The following SLC9A2 variants were observed in gnomAD, a reference collection of about 807,000 sequenced individuals.
SLC9A2 encodes sodium/hydrogen exchanger 2.
In SLC9A2, 42 loss-of-function variants were observed where a neutral mutation model predicts 71.7. The ratio of observed to expected loss-of-function variants is 0.59; its 90% CI spans 0.46 to 0.76. The LOEUF (loss-of-function observed/expected upper bound fraction) is 0.76. Among genes scored for constraint, SLC9A2 ranks in the 30% least tolerant of loss-of-function variants. The pLI is 0.00. For synonymous variants in SLC9A2, 396 were observed against 392.5 expected, an observed-to-expected ratio of 1.01 and a Z score of -0.10; for missense variants, 829 against 1,017.4, an observed-to-expected ratio of 0.81 and a Z score of 2.52.
rs1293858545 is a variant in SLC9A2, at chr2:102,683,455, T to C, written c.1199T>C (p.Phe400Ser). 2 of 1,614,200 alleles carry C rather than the reference T, an allele frequency of 1.2e-6. No individual in the cohort carries two copies. The highest frequency in any genetic ancestry group is 1.7e-6 in the Non-Finnish European group (2 of 1,180,018). Reference protein sequence around the residue: ...NWAFVCFTLAFCLMWRALGVF... With the variant: ...NWAFVCFTLASCLMWRALGVF... ...GCCTTCGTCTGCTTCACCCTGGCCT[T>C]CTGCCTCATGTGGCGAGCCCTGGGT... is the stretch of plus-strand genomic sequence containing the variant. Residue 400 changes from phenylalanine to serine, a missense_variant, in exon 4 of 12, where the codon TTC becomes TCC. Transcript: ENST00000233969.
At chr2:102,622,477 C>A (rs527334085) in intron 1 of SLC9A2, among the ~76,000 whole-genome samples, 5 of 152,270 alleles carry the variant, frequency 3.3e-5, no homozygotes, top group Admixed American at 6.5e-5. Flanking sequence ...ATAATAACAG[C>A]CTCTAGGAGG....
At chr2:102,633,024 G>T (rs1290791252) in intron 1 of SLC9A2, among the ~76,000 whole-genome samples, 1 of 152,132 alleles carries the variant, frequency 6.6e-6, no homozygotes, top group African/African-American at 2.4e-5. Flanking sequence ...GCATTTTCTT[G>T]TAGCACAGAA....
chr2:102,665,228 T>C lies in SLC9A2; in HGVS notation c.882T>C (p.Phe294=), dbSNP rs1451515543. 1 of 1,614,162 alleles carries C rather than the reference T, an allele frequency of 6.2e-7. No individual in the cohort carries two copies. The highest frequency in any genetic ancestry group is 1.7e-5 in the Admixed American group (1 of 60,030). The change falls in exon 3 of 12, where the codon TTT becomes TTC. Residue 294 remains phenylalanine, a synonymous_variant. Transcript: ENST00000233969. The stretch of plus-strand genomic sequence containing the variant: ...TGCTGATTGGCATCTTCTTGGGCTT[T>C]ATAGCGGCATTTACTACTCGATTCA... ...GGVLIGIFLG[F]IAAFTTRFTH...
At chr2:102,684,433 C>A in intron 5 of SLC9A2, 97 bp downstream of exon 5, 1 of 1,108,188 alleles carries the variant, frequency 9.0e-7, no homozygotes, top group Non-Finnish European at 1.4e-6. Context: ...TGTGTTGAAA[C>A]TTTGGTAGTT....
intron 6 of SLC9A2, 26 bp downstream of exon 6, chr2:102,694,529 T>C: frequency 8.3e-7 from 1 of 1,199,656 alleles, no homozygotes; most frequent in South Asian, 1.7e-5. Context: ...GTGTAATAAT[T>C]TTAATGATAA....
chr2:102,635,878 A>G lies in SLC9A2; in HGVS notation c.289+15741A>G, dbSNP rs572357048. 1.4e-3 allele frequency among the ~76,000 whole-genome samples: 180 copies of G among 126,928 alleles called. 3 individuals carry two copies. Among genetic ancestry groups the G allele is most frequent in the African/African-American group, 5.1e-3 (173 of 34,076 alleles). The allele number at this position is 126,928 out of a possible 152,430, so 83.3% of individuals were successfully genotyped here. A position where few individuals can be genotyped will look rare whatever the true frequency, so the allele number is the denominator to read the frequency against. ...TTACTTAATGATTGGCTCCATCTGC[A>G]TAATTTTTTCTTTTTTTTTTTTTGA... On this transcript the variant is annotated intron_variant, in intron 1 of 11. Transcript: ENST00000233969.
intron 1 of SLC9A2, among the ~76,000 whole-genome samples, chr2:102,631,291 TTTC>T (rs1166669115): frequency 3.3e-5 from 5 of 151,438 alleles, no homozygotes; most frequent in Non-Finnish European, 7.4e-5. Flanking sequence ...AAAAGCATCT[TTTC>T]TTTTTTTTTT....
At chr2:102,707,759 G>A (rs1678009465) in intron 11 of SLC9A2, among the ~76,000 whole-genome samples, 1 of 152,158 alleles carries the variant, frequency 6.6e-6, no homozygotes, top group East Asian at 1.9e-4. Context: ...TGCCAGAGGG[G>A]CTCTGTTGGA....
chr2:102,683,417 C>T lies in SLC9A2; in HGVS notation c.1161C>T (p.His387=), dbSNP rs373845750. Residue 387 remains histidine (H), a synonymous_variant, in exon 4 of 12, where the codon CAC becomes CAT. Transcript: ENST00000233969. The part of the protein sequence containing the change: ...FMGVSTVGKN[H]EWNWAFVCFT... ...GTGTGTCTACCGTGGGCAAGAACCA[C>T]GAGTGGAACTGGGCCTTCGTCTGCT... The T allele has an allele frequency of 4.3e-6, 7 of 1,614,226 alleles. No homozygotes were observed. Among genetic ancestry groups the T allele is most frequent in the East Asian group, 4.5e-5 (2 of 44,880 alleles).
Position 102,709,852 on chromosome 2 carries a change from T to TTCCAC in SLC9A2, c.*1365_*1366insCACTC, listed in dbSNP as rs928900527. The TTCCAC allele has an allele frequency of 2.0e-5, 3 of 152,380 alleles. No homozygotes were observed. Among genetic ancestry groups the TTCCAC allele is most frequent in the Admixed American group, 2.0e-4 (3 of 15,266 alleles). The allele number at this position is 152,380 out of a possible 1,614,324, so 9.4% of individuals were successfully genotyped here. On this transcript the variant is annotated 3_prime_UTR_variant, in exon 12 of 12. Transcript: ENST00000233969. ...ACTTGACTGGAACATGCCTCTGCAT[T>TTCCAC]TCTGAGTGTAGAAATTAAATGAAGC...
At chr2:102,647,286 C>A (rs757449143) in intron 1 of SLC9A2, among the ~76,000 whole-genome samples, 2 of 152,126 alleles carry the variant, frequency 1.3e-5, no homozygotes, top group Admixed American at 6.5e-5. Context: ...TAAATAAGTT[C>A]TTTGAAACCA....
In SLC9A2 at chr2:102,620,142, G is replaced by A; in HGVS notation, c.289+5G>A. On this transcript the variant is annotated splice_donor_5th_base_variant and intron_variant, in intron 1 of 11. Transcript: ENST00000233969. ...TGGCCTCCCTGGCCAAGATTGGTGA[G>A]CGAACTGGACTTGTGGGGAATGGGA... The A allele has an allele frequency of 6.3e-7, 1 of 1,597,268 alleles. No homozygotes were observed.
intron 3 of SLC9A2, among the ~76,000 whole-genome samples, chr2:102,670,308 GC>G (rs1353839806): frequency 6.6e-6 from 1 of 151,744 alleles, no homozygotes; most frequent in Non-Finnish European, 1.5e-5. Flanking sequence ...GAGCCACCAC[GC>G]CCGGCCGTGC....
chr2:102,706,102 G>A (rs1405696461), intron 11 of SLC9A2, among the ~76,000 whole-genome samples, 166 bp downstream of exon 11: 1 of 8,972 alleles, frequency 1.1e-4, no homozygotes, highest in Non-Finnish European at 2.4e-4. Flanking sequence ...GGTGGATCAC[G>A]AGGTCAGGAG....
chr2:102,651,655 C>T (rs930304361), intron 1 of SLC9A2, among the ~76,000 whole-genome samples: 1 of 152,232 alleles, frequency 6.6e-6, no homozygotes, highest in Non-Finnish European at 1.5e-5. Flanking sequence ...GTGCTCATCA[C>T]TGCGTGCTAC....
At chr2:102,641,374 C>T (rs1048982120) in intron 1 of SLC9A2, among the ~76,000 whole-genome samples, 2 of 152,012 alleles carry the variant, frequency 1.3e-5, no homozygotes, top group African/African-American at 4.8e-5. Flanking sequence ...TTGTGGATGA[C>T]AGGTCCCAGA....
intron 7 of SLC9A2, among the ~76,000 whole-genome samples, chr2:102,696,388 T>G (rs770127332): frequency 9.9e-5 from 15 of 152,272 alleles, no homozygotes; most frequent in South Asian, 2.1e-4. Flanking sequence ...TAACAGAATT[T>G]TTTTTCCCTC....
intron 1 of SLC9A2, among the ~76,000 whole-genome samples, chr2:102,635,312 G>A (rs144429965): frequency 6.6e-6 from 1 of 152,312 alleles, no homozygotes; most frequent in East Asian, 1.9e-4. Flanking sequence ...TACATTGTTC[G>A]TGTTAACACG....
intron 1 of SLC9A2, among the ~76,000 whole-genome samples, chr2:102,651,123 GCC>G (rs560819723): frequency 6.6e-6 from 1 of 151,998 alleles, no homozygotes; most frequent in African/African-American, 2.4e-5. Context: ...GTTACAATAT[GCC>G]CCCCATCCCC....
Sources: allele counts gnomAD v4.1 joint callset (sites outside exome capture counted in the v4.1 genomes callset), GRCh38; gene constraint gnomAD v4.1.1; transcripts MANE v1.5; gene names NCBI Gene and HGNC (gene_info 2026-07-23, HGNC 2026-07-21).